The following PTPRD variants were observed in gnomAD, a reference collection of about 807,000 sequenced individuals.
PTPRD encodes protein tyrosine phosphatase receptor type D.
Under a neutral mutation model 214.5 loss-of-function variants are expected in PTPRD, and 34 were observed. The observed-to-expected ratio is 0.16, with a 90% CI of 0.12 to 0.21. The LOEUF (loss-of-function observed/expected upper bound fraction) is 0.21. Among genes scored for constraint, PTPRD ranks in the 10% least tolerant of loss-of-function variants. The pLI is 1.00. For missense variants in PTPRD, 2,545 were observed against 2,398.7 expected (o/e 1.06, Z -1.27); for synonymous variants, 1,128 against 845.7 (o/e 1.33, Z -5.79).
chr9:8,314,543 G>C lies in PTPRD; in HGVS notation c.*3331C>G, dbSNP rs1820878201. The C allele has an allele frequency of 8.6e-6, 2 of 232,104 alleles. No homozygotes were observed. The highest frequency in any genetic ancestry group is 8.5e-6 in the Non-Finnish European group (1 of 117,170). 14.4% of individuals were successfully genotyped at this position (232,104 alleles called of 1,614,324 possible). ...AGACACTCCAAGCTGGGATGGCAAA[G>C]CCACATAACGGATGGATAGAATGGA... is the stretch of plus-strand genomic sequence containing the variant. On this transcript the variant is annotated 3_prime_UTR_variant, in exon 46 of 46. Coordinates refer to ENST00000381196, the MANE Select transcript of PTPRD (RefSeq NM_002839.4).
intron 11 of PTPRD, among the ~76,000 whole-genome samples, chr9:8,736,751 G>C (rs1434249): frequency 0.23 from 35,539 of 151,476 alleles, 4,442 homozygotes; most frequent in East Asian, 0.52. Flanking sequence ...AAGTGGTACA[G>C]TGGAAAACTT....
intron 21 of PTPRD, among the ~76,000 whole-genome samples, chr9:8,507,828 C>T (rs1002607471): frequency 1.3e-5 from 2 of 152,158 alleles, no homozygotes; most frequent in Admixed American, 1.3e-4. Flanking sequence ...TTATTTACAA[C>T]TGAGTAGGAA....
At chr9:10,256,343 A>T (rs900193601) in intron 3 of PTPRD, among the ~76,000 whole-genome samples, 5 of 150,948 alleles carry the variant, frequency 3.3e-5, no homozygotes, top group Admixed American at 1.3e-4. Context: ...TGTCACTTTG[A>T]TAACAATGCC....
intron 5 of PTPRD, among the ~76,000 whole-genome samples, chr9:9,895,099 C>T (rs985780318): frequency 6.6e-6 from 1 of 151,914 alleles, no homozygotes; most frequent in African/African-American, 2.4e-5. Flanking sequence ...AGTTACAAAG[C>T]AATTTGAGGC....
chr9:9,744,711 T>C (rs1402658025), intron 6 of PTPRD, among the ~76,000 whole-genome samples: 1 of 151,946 alleles, frequency 6.6e-6, no homozygotes, highest in Non-Finnish European at 1.5e-5. Context: ...AGTAAACAAA[T>C]TAATGAAGAA....
At chr9:9,000,580 G>C (rs2099414138) in intron 11 of PTPRD, among the ~76,000 whole-genome samples, 1 of 151,968 alleles carries the variant, frequency 6.6e-6, no homozygotes, top group South Asian at 2.1e-4. Flanking sequence ...AAGACTCTCT[G>C]TGTCTAAGCA....
chr9:9,891,645 AT>A (rs953468453), intron 5 of PTPRD, among the ~76,000 whole-genome samples: 1 of 151,428 alleles, frequency 6.6e-6, no homozygotes, highest in Non-Finnish European at 1.5e-5. Context: ...GAGTAACAGG[AT>A]TTTTTTTCAG....
At chr9:8,608,392 A>AC (rs2095318361) in intron 14 of PTPRD, among the ~76,000 whole-genome samples, 1 of 152,182 alleles carries the variant, frequency 6.6e-6, no homozygotes, top group South Asian at 2.1e-4. Context: ...AGATAGGAAG[A>AC]ACGAGAGGTA....
chr9:10,138,352 C>A (rs1192114783), intron 3 of PTPRD, among the ~76,000 whole-genome samples: 1 of 151,904 alleles, frequency 6.6e-6, no homozygotes, highest in Non-Finnish European at 1.5e-5. Context: ...AAATTAAAAA[C>A]CTAACAGACC....
At position 8,486,026 on chromosome 9, in the gene PTPRD, T is replaced by C; in HGVS notation, c.2791A>G (p.Thr931Ala). ...CAAGATAACTGGACGGAGGTTGAAG[T>C]GGTGCCTTCTGAGTGAAGGTTTTGA... ...FPQNLHSEGT[T>A]STSVQLSWQP... The change falls in exon 28 of 46, where the codon ACT becomes GCT. Residue 931 changes from threonine to alanine, a missense_variant. Physicochemically the swap from Thr to Ala is moderately conservative, Grantham distance 58. Coordinates refer to ENST00000381196, the MANE Select transcript of PTPRD (RefSeq NM_002839.4). The C allele has an allele frequency of 6.2e-7, 1 of 1,614,128 alleles. No homozygotes were observed. The highest frequency in any genetic ancestry group is 8.5e-7 in the Non-Finnish European group (1 of 1,180,010).
Position 10,548,386 on chromosome 9 carries a change from T to G in PTPRD, c.-600+64012A>C, listed in dbSNP as rs534256203. Reference sequence around the variant, plus strand: ...GCTATTAAATGAAGAAATGTACATTTTCTACTTCATATATCAGGCCTACTG... The same window carrying G: ...GCTATTAAATGAAGAAATGTACATTGTCTACTTCATATATCAGGCCTACTG... On this transcript the variant is annotated intron_variant, in intron 2 of 45. Coordinates refer to ENST00000381196, the MANE Select transcript of PTPRD (RefSeq NM_002839.4). Among the ~76,000 whole-genome samples, 5 of 152,210 alleles carry G rather than the reference T, an allele frequency of 3.3e-5. No individual in the cohort carries two copies. The East Asian group carries it at 9.7e-4, about 29-fold the overall frequency.
chr9:8,853,259 T>G (rs2097852953), intron 11 of PTPRD, among the ~76,000 whole-genome samples: 1 of 152,220 alleles, frequency 6.6e-6, no homozygotes, highest in African/African-American at 2.4e-5. Flanking sequence ...ATTTGCTCTT[T>G]GACCTTCCTA....
At chr9:10,026,649 G>C (rs1236525691) in intron 4 of PTPRD, among the ~76,000 whole-genome samples, 1 of 152,046 alleles carries the variant, frequency 6.6e-6, no homozygotes, top group African/African-American at 2.4e-5. Context: ...TCTCAATAGA[G>C]GAGCACTGTC....
intron 2 of PTPRD, among the ~76,000 whole-genome samples, chr9:10,496,804 T>C (rs1423005125): frequency 1.3e-5 from 2 of 152,112 alleles, no homozygotes; most frequent in Admixed American, 6.6e-5. Context: ...AACGGGGTTA[T>C]GTGATTTTTG....
At chr9:9,661,356 T>A (rs1426249361) in intron 7 of PTPRD, among the ~76,000 whole-genome samples, 2 of 151,932 alleles carry the variant, frequency 1.3e-5, no homozygotes, top group Non-Finnish European at 1.5e-5. Flanking sequence ...TTTTTTAAAT[T>A]GCTAAACTAG....
intron 11 of PTPRD, among the ~76,000 whole-genome samples, chr9:8,922,991 C>T (rs1486795173): frequency 1.3e-5 from 2 of 150,158 alleles, no homozygotes; most frequent in Non-Finnish European, 3.0e-5. Context: ...TTTCTTCTCT[C>T]GTTTCTTTTT....
chr9:10,581,818 A>C (rs2071946262), intron 2 of PTPRD, among the ~76,000 whole-genome samples: 2 of 152,200 alleles, frequency 1.3e-5, no homozygotes, highest in South Asian at 4.1e-4. Context: ...GAAGATACTT[A>C]AGTTCTCCAC....
At chr9:10,328,672 A>G (rs919037124) in intron 3 of PTPRD, among the ~76,000 whole-genome samples, 1 of 151,836 alleles carries the variant, frequency 6.6e-6, no homozygotes, top group Non-Finnish European at 1.5e-5. Flanking sequence ...TATACGTTAC[A>G]TAAGTTCAGG....
chr9:8,748,325 A>G (rs1463926165), intron 11 of PTPRD, among the ~76,000 whole-genome samples: 1 of 152,024 alleles, frequency 6.6e-6, no homozygotes, highest in Non-Finnish European at 1.5e-5. Flanking sequence ...CAGAGAGCTC[A>G]CTAAAATGCT....
Sources: allele counts gnomAD v4.1 joint callset (sites outside exome capture counted in the v4.1 genomes callset), GRCh38; gene constraint gnomAD v4.1.1; transcripts MANE v1.5; gene names NCBI Gene and HGNC (gene_info 2026-07-23, HGNC 2026-07-21).